Variants in NKD1 observed in about 807,000 individuals in gnomAD.
The protein encoded by NKD1 is NKD inhibitor of Wnt signaling pathway 1.
Under a neutral mutation model 56.0 loss-of-function variants are expected in NKD1, and 21 were observed. That is an observed-to-expected ratio of 0.38 (90% CI 0.27 to 0.54). NKD1 has a LOEUF of 0.54. NKD1 is among the 20% of genes least tolerant of loss of function. NKD1 has a pLI of 0.82. For synonymous variants in NKD1, 263 were observed against 265.7 expected (o/e 0.99, Z 0.10); for missense variants, 578 against 642.7 (o/e 0.90, Z 1.09).
intron 3 of NKD1, chr16:50,551,877 G>GA (rs757581277): frequency 9.2e-5 from 14 of 152,192 alleles, no homozygotes; most frequent in Non-Finnish European, 4.4e-5. Context: ...GTGAATGTGG[G>GA]AATGGAATGC....
At chr16:50,622,046 A>G (rs557920670) in intron 5 of NKD1, among the ~76,000 whole-genome samples, 1 of 152,056 alleles carries the variant, frequency 6.6e-6, no homozygotes, top group South Asian at 2.1e-4. Context: ...CCTCGGTGAA[A>G]CCTTCCCTTC....
At chr16:50,553,148 A>G (rs1362588695) in intron 3 of NKD1, among the ~76,000 whole-genome samples, 1 of 152,236 alleles carries the variant, frequency 6.6e-6, no homozygotes, top group Non-Finnish European at 1.5e-5. Flanking sequence ...ACCAATTGGA[A>G]ACACTGGGTG....
At chr16:50,580,770 T>A (rs1466423472) in intron 3 of NKD1, among the ~76,000 whole-genome samples, 1 of 152,232 alleles carries the variant, frequency 6.6e-6, no homozygotes, top group East Asian at 1.9e-4. Flanking sequence ...AGCCTGGCAA[T>A]ATTCAAGTGG....
chr16:50,606,471 A>G (rs1470327611), intron 3 of NKD1: 1 of 317,306 alleles, frequency 3.2e-6, no homozygotes, highest in Non-Finnish European at 6.3e-6. Flanking sequence ...GGCCTATGCC[A>G]GAACTTGCCA....
chr16:50,571,556 G>A (rs1354281338), intron 3 of NKD1: 2 of 984,510 alleles, frequency 2.0e-6, no homozygotes, highest in Non-Finnish European at 2.4e-6. Flanking sequence ...TCCCAGTGAC[G>A]GGCTCTCCAT....
rs112596067 is a variant in NKD1 at position 50,573,846 on chromosome 16, A to G, written c.192+24291A>G. On this transcript the variant is annotated intron_variant, in intron 3 of 9. Transcript: ENST00000268459. ...AACGGGTTGGGCTGGCCTCAGCCACAGGGGCTGAGAGGGGAGCAGGGGCGG... is the reference window on the plus strand; with the variant it reads ...AACGGGTTGGGCTGGCCTCAGCCACGGGGGCTGAGAGGGGAGCAGGGGCGG... The G allele has an allele frequency of 6.5e-5, 64 of 985,238 alleles. No homozygotes were observed. In the African/African-American group the frequency reaches 9.8e-4, roughly 15 times the overall value. 61.0% of individuals were successfully genotyped at this position (985,238 alleles called of 1,614,324 possible).
intron 3 of NKD1, among the ~76,000 whole-genome samples, chr16:50,580,798 C>T (rs1596718441): frequency 6.6e-6 from 1 of 152,210 alleles, no homozygotes; most frequent in Non-Finnish European, 1.5e-5. Context: ...TGTGGCTGTG[C>T]TCTTGGACAG....
intron 3 of NKD1, among the ~76,000 whole-genome samples, chr16:50,593,379 C>G (rs1387311473): frequency 6.6e-6 from 1 of 152,164 alleles, no homozygotes; most frequent in African/African-American, 2.4e-5. Flanking sequence ...GTCAGGACCC[C>G]TTTTGCATCC....
At chr16:50,596,654 G>A (rs994030983) in intron 3 of NKD1, among the ~76,000 whole-genome samples, 2 of 152,260 alleles carry the variant, frequency 1.3e-5, no homozygotes, top group Admixed American at 1.3e-4. Context: ...TAAATACAGA[G>A]CTGCATTTGG....
chr16:50,625,520 C>A lies in NKD1; in HGVS notation c.402C>A (p.Ser134Arg), dbSNP rs772642089. ...GCGACGTGTCCATGGAGGAGGACAG[C>A]CGGCAGGAGTGGACCTTCACCCTGT... is the stretch of plus-strand genomic sequence containing the variant. ...LQCDVSMEED[S>R]RQEWTFTLYD... The change falls in exon 6 of 10, where the codon AGC (serine) becomes AGA (arginine). Residue 134 changes from serine to arginine, a missense_variant. Physicochemically the swap from Ser to Arg is moderately radical, Grantham distance 110. Transcript: ENST00000268459. 6.2e-7 allele frequency: 1 copy of A among 1,613,834 alleles called. No homozygotes were observed. The highest frequency in any genetic ancestry group is 8.5e-7 in the Non-Finnish European group (1 of 1,179,782).
intron 3 of NKD1, chr16:50,574,064 G>A (rs928984748): frequency 1.3e-5 from 11 of 839,976 alleles, no homozygotes; most frequent in South Asian, 5.4e-5. Context: ...TCTCACTCCC[G>A]TTTTACAGAT....
intron 4 of NKD1, among the ~76,000 whole-genome samples, chr16:50,610,614 C>T (rs889798291): frequency 1.3e-5 from 2 of 152,312 alleles, no homozygotes; most frequent in Admixed American, 1.3e-4. Flanking sequence ...TTCCTGTTGG[C>T]CAAGTTCATT....
intron 3 of NKD1, among the ~76,000 whole-genome samples, chr16:50,592,787 G>C (rs1171118548): frequency 6.6e-6 from 1 of 152,042 alleles, no homozygotes; most frequent in Non-Finnish European, 1.5e-5. Context: ...GGAGGGGGAG[G>C]GGGCGGAATT....
intron 3 of NKD1, among the ~76,000 whole-genome samples, chr16:50,605,681 T>G (rs1370625041): frequency 6.6e-6 from 1 of 152,246 alleles, no homozygotes; most frequent in Admixed American, 6.5e-5. Flanking sequence ...GGGCAGGATG[T>G]TTGTAGTTTA....
chr16:50,604,376 A>G (rs1961660195), intron 3 of NKD1, among the ~76,000 whole-genome samples: 1 of 152,216 alleles, frequency 6.6e-6, no homozygotes, highest in Admixed American at 6.5e-5. Context: ...GCATGTTTCC[A>G]GGTGTCTGTG....
intron 3 of NKD1, chr16:50,607,302 T>C (rs1011232056): frequency 1.8e-5 from 4 of 228,134 alleles, no homozygotes; most frequent in Non-Finnish European, 3.6e-5. Context: ...CTTTTGTTCA[T>C]CAAGAAGAGG....
intron 3 of NKD1, among the ~76,000 whole-genome samples, chr16:50,592,495 A>G (rs1343533936): frequency 6.6e-6 from 1 of 152,138 alleles, no homozygotes; most frequent in African/African-American, 2.4e-5. Flanking sequence ...TTTGTCTGCT[A>G]TTTTATGTGT....
intron 5 of NKD1, among the ~76,000 whole-genome samples, chr16:50,624,453 C>T (rs991884401): frequency 2.0e-5 from 3 of 152,318 alleles, no homozygotes; most frequent in Non-Finnish European, 2.9e-5. Context: ...ATCATTACAG[C>T]AAAAATAACA....
At chr16:50,628,058 C>G (rs1356311449) in intron 6 of NKD1, among the ~76,000 whole-genome samples, 1 of 152,182 alleles carries the variant, frequency 6.6e-6, no homozygotes, top group Non-Finnish European at 1.5e-5. Flanking sequence ...TGGGATCCCT[C>G]CCCGAGATGA....
Sources: gnomAD v4.1 joint callset for allele counts (sites outside exome capture counted in the v4.1 genomes callset) on GRCh38, gnomAD v4.1.1 for gene constraint, MANE v1.5 for transcripts, NCBI Gene and HGNC (gene_info 2026-07-23, HGNC 2026-07-21) for gene names.